Variants in PDE3B observed in about 807,000 individuals in gnomAD.
PDE3B encodes phosphodiesterase 3B, also known as cGMP-inhibited 3',5'-cyclic phosphodiesterase 3B.
In PDE3B, 66 loss-of-function variants were observed where a neutral mutation model predicts 116.8. The observed-to-expected ratio is 0.56, with a 90% CI of 0.46 to 0.69. The LOEUF is 0.69. PDE3B is among the 30% of genes least tolerant of loss of function. PDE3B has a pLI of 0.00. For synonymous variants in PDE3B, 595 were observed against 533.6 expected, an observed-to-expected ratio of 1.12 and a Z score of -1.59; for missense variants, 1,384 against 1,368.1, an observed-to-expected ratio of 1.01 and a Z score of -0.18.
chr11:14,700,799 A>C (rs532844183), intron 1 of PDE3B: 2 of 151,852 alleles, frequency 1.3e-5, no homozygotes, highest in African/African-American at 4.8e-5. Context: ...TATTTTATGG[A>C]AATCTATCAG....
At chr11:14,760,510 T>C (rs1052180129) in intron 1 of PDE3B, among the ~76,000 whole-genome samples, 5 of 152,222 alleles carry the variant, frequency 3.3e-5, no homozygotes, top group African/African-American at 1.2e-4. Flanking sequence ...TACTGACATA[T>C]GTGCTGCCAG....
chr11:14,718,671 A>G (rs1251473577), intron 1 of PDE3B, among the ~76,000 whole-genome samples: 3 of 150,968 alleles, frequency 2.0e-5, no homozygotes, highest in Non-Finnish European at 4.4e-5. Flanking sequence ...CTGAATGACT[A>G]CTGGGTACAT....
chr11:14,848,760 T>C (rs1007195698), intron 12 of PDE3B, among the ~76,000 whole-genome samples: 1 of 151,998 alleles, frequency 6.6e-6, no homozygotes, highest in African/African-American at 2.4e-5. Flanking sequence ...GAGGATAAAA[T>C]ACCTAGCAAT....
the PDE3B span, chr11:14,880,431 A>G: frequency 1.2e-6 from 2 of 1,613,444 alleles, no homozygotes; most frequent in African/African-American, 2.7e-5. Context: ...GCAGGATGCC[A>G]ATCCATGGAA....
At chr11:14,882,041 A>AG in the PDE3B span, among the ~76,000 whole-genome samples, 7 of 152,100 alleles carry the variant, frequency 4.6e-5, no homozygotes, top group Non-Finnish European at 1.0e-4. Context: ...AGTTACTGTA[A>AG]GGGGGTCATT....
At chr11:14,662,101 G>A (rs1370205480) in intron 1 of PDE3B, among the ~76,000 whole-genome samples, 2 of 152,070 alleles carry the variant, frequency 1.3e-5, no homozygotes, top group East Asian at 3.9e-4. Flanking sequence ...GTACTCCTCT[G>A]AGACAAAACT....
At chr11:14,676,695 A>C (rs1854540973) in intron 1 of PDE3B, among the ~76,000 whole-genome samples, 1 of 152,154 alleles carries the variant, frequency 6.6e-6, no homozygotes, top group Non-Finnish European at 1.5e-5. Flanking sequence ...TGCAACTGAA[A>C]GTTCATTATG....
intron 11 of PDE3B, among the ~76,000 whole-genome samples, chr11:14,835,897 C>G (rs1860037378): frequency 6.6e-6 from 1 of 152,196 alleles, no homozygotes; most frequent in African/African-American, 2.4e-5. Context: ...GAGTTCAAGG[C>G]TGCAGTGAGC....
chr11:14,893,155 T>G, the PDE3B span, among the ~76,000 whole-genome samples: 1 of 152,216 alleles, frequency 6.6e-6, no homozygotes, highest in Non-Finnish European at 1.5e-5. Flanking sequence ...TATGTTCCCA[T>G]GTCCTAAGCA....
chr11:14,794,353 G>A (rs1252354691), intron 4 of PDE3B, among the ~76,000 whole-genome samples: 2 of 144,880 alleles, frequency 1.4e-5, no homozygotes, highest in African/African-American at 5.2e-5. Context: ...GTCTCACTCT[G>A]TTGCCCAGGC....
At chr11:14,725,956 G>C (rs1856294643) in intron 1 of PDE3B, among the ~76,000 whole-genome samples, 1 of 152,012 alleles carries the variant, frequency 6.6e-6, no homozygotes, top group Non-Finnish European at 1.5e-5. Flanking sequence ...ATATGATCTA[G>C]TCACTTTTTT....
At chr11:14,835,561 A>G (rs1257746475) in intron 11 of PDE3B, among the ~76,000 whole-genome samples, 2 of 152,206 alleles carry the variant, frequency 1.3e-5, no homozygotes, top group Non-Finnish European at 2.9e-5. Context: ...AAAAACTTTT[A>G]TAAACAAATT....
At chr11:14,696,244 A>G (rs1346358949) in intron 1 of PDE3B, among the ~76,000 whole-genome samples, 1 of 152,000 alleles carries the variant, frequency 6.6e-6, no homozygotes, top group Non-Finnish European at 1.5e-5. Context: ...TTTGATTTGC[A>G]TTTCTCTAAT....
At chr11:14,708,013 C>T (rs938960444) in intron 1 of PDE3B, among the ~76,000 whole-genome samples, 1 of 151,998 alleles carries the variant, frequency 6.6e-6, no homozygotes, top group Non-Finnish European at 1.5e-5. Flanking sequence ...TTCTTGGTTG[C>T]AATGGTTTGG....
rs752594535 is a variant in PDE3B, at chr11:14,644,607, G to T, written c.532G>T (p.Asp178Tyr). 6.5e-7 allele frequency: 1 copy of T among 1,546,910 alleles called. No homozygotes were observed. Among genetic ancestry groups the T allele is most frequent in the Non-Finnish European group, 8.7e-7 (1 of 1,149,160 alleles). ...GCAGTGGTGGTCTTGGCCTTGGGGG[G>T]ATGGCGACGCAGGGTCCGCGGCCCC... ...VWQWWSWPWGDGDAGSAAPHT... is the reference protein window; with the variant it reads ...VWQWWSWPWGYGDAGSAAPHT... Residue 178 changes from aspartate to tyrosine, a missense_variant, in exon 1 of 16, where the codon GAT becomes TAT. Asp to Tyr is a radical substitution (Grantham distance 160). Around this residue, in one of 2 missense-constraint regions of PDE3B, gnomAD observed 956 missense variants for 806.8 expected, o/e 1.18. Transcript: ENST00000282096.
the PDE3B span, among the ~76,000 whole-genome samples, chr11:14,897,314 G>A: frequency 1.3e-5 from 2 of 152,136 alleles, no homozygotes; most frequent in Non-Finnish European, 2.9e-5. Flanking sequence ...TGATGATGAA[G>A]GAGGCCTCCT....
intron 1 of PDE3B, among the ~76,000 whole-genome samples, chr11:14,693,635 A>G (rs890533027): frequency 1.3e-5 from 2 of 152,174 alleles, no homozygotes; most frequent in African/African-American, 4.8e-5. Flanking sequence ...TTTTAAGTCC[A>G]CTGTTGAGAT....
chr11:14,752,866 TA>T (rs1376540648), intron 1 of PDE3B, among the ~76,000 whole-genome samples: 1 of 152,112 alleles, frequency 6.6e-6, no homozygotes, highest in African/African-American at 2.4e-5. Context: ...CCACTTCTTC[TA>T]AAAGTTATCT....
chr11:14,878,773 T>G, the PDE3B span, among the ~76,000 whole-genome samples: 1 of 152,120 alleles, frequency 6.6e-6, no homozygotes, highest in East Asian at 1.9e-4. Context: ...GAGAGTGAGA[T>G]TCTAGTTTTA....
Sources: allele counts gnomAD v4.1 joint callset (sites outside exome capture counted in the v4.1 genomes callset), GRCh38; gene constraint gnomAD v4.1.1; regional missense constraint gnomAD v4.1.1; transcripts MANE v1.5; gene names NCBI Gene and HGNC (gene_info 2026-07-23, HGNC 2026-07-21).